The following UBE2Q2 variants were observed in gnomAD, a reference collection of about 807,000 sequenced individuals.
The protein encoded by UBE2Q2 is ubiquitin-conjugating enzyme E2 Q2.
UBE2Q2 carries 54 observed loss-of-function variants against 59.9 expected under a neutral mutation model. The ratio of observed to expected loss-of-function variants is 0.90; its 90% CI spans 0.72 to 1.13. UBE2Q2 has a LOEUF of 1.13. Ranked by LOEUF, UBE2Q2 falls within the 50% of genes most tolerant of loss-of-function variation. The pLI is 0.00. For synonymous variants in UBE2Q2, 165 were observed against 155.2 expected (o/e 1.06, Z -0.47); for missense variants, 433 against 441.9 (o/e 0.98, Z 0.18).
chr15:75,853,288 G>T (rs1343513411), intron 1 of UBE2Q2, among the ~76,000 whole-genome samples: 1 of 152,062 alleles, frequency 6.6e-6, no homozygotes, highest in African/African-American at 2.4e-5. Flanking sequence ...TGGCCAGCAT[G>T]GTGAAACCCC....
intron 4 of UBE2Q2, among the ~76,000 whole-genome samples, chr15:75,871,631 C>T (rs1027560099): frequency 2.0e-4 from 31 of 152,222 alleles, no homozygotes; most frequent in Admixed American, 3.9e-4. Context: ...CTTGCACAGC[C>T]CTTAATCCAT....
intron 2 of UBE2Q2, among the ~76,000 whole-genome samples, chr15:75,856,820 T>C (rs2141564157): frequency 6.6e-6 from 1 of 152,116 alleles, no homozygotes; most frequent in Non-Finnish European, 1.5e-5. Flanking sequence ...GGCATGTACC[T>C]GTGATCCCAG....
chr15:75,858,827 C>T (rs541469691), intron 2 of UBE2Q2, among the ~76,000 whole-genome samples: 10 of 152,166 alleles, frequency 6.6e-5, no homozygotes, highest in Non-Finnish European at 8.8e-5. Context: ...GCTTGGTTTC[C>T]GTTTAAGCAT....
intron 3 of UBE2Q2, among the ~76,000 whole-genome samples, chr15:75,864,683 G>A (rs916923865): frequency 2.1e-4 from 32 of 149,848 alleles, no homozygotes; most frequent in African/African-American, 3.4e-4. Context: ...GCTATATGCC[G>A]TTTTCACTTC....
chr15:75,883,839 T>TACACACAC (rs10524276), intron 9 of UBE2Q2, among the ~76,000 whole-genome samples: 42 of 152,000 alleles, frequency 2.8e-4, no homozygotes, highest in African/African-American at 1.0e-3. Flanking sequence ...TATTTATACA[T>TACACACAC]ACACACACAC....
At chr15:75,864,060 A>C (rs1473509594) in intron 3 of UBE2Q2, among the ~76,000 whole-genome samples, 2 of 152,212 alleles carry the variant, frequency 1.3e-5, no homozygotes, top group Admixed American at 1.3e-4. Flanking sequence ...GTATAGGGAT[A>C]TAATTTATGA....
chr15:75,876,687 A>G (rs902937476), intron 6 of UBE2Q2, among the ~76,000 whole-genome samples: 1 of 152,192 alleles, frequency 6.6e-6, no homozygotes, highest in Admixed American at 6.5e-5. Flanking sequence ...TTGTAAAGAT[A>G]GTTATGTTAT....
In UBE2Q2 at chr15:75,862,485, A is replaced by G. The variant is rs556720608; in HGVS notation, c.387+2503A>G. ...GTTGCTCATCATTTGTAGTCTTTTA[A>G]TTCCCTTTTTTGTTCATATTTGAGA... On this transcript the variant is annotated intron_variant, in intron 3 of 12. Transcript: ENST00000267938. Among the ~76,000 whole-genome samples the G allele has an allele frequency of 5.5e-4, 82 of 148,150 alleles. 3 individuals carry two copies. In the South Asian group the frequency reaches 0.017, roughly 32 times the overall value.
intron 3 of UBE2Q2, among the ~76,000 whole-genome samples, chr15:75,866,207 C>T (rs1391557966): frequency 1.3e-5 from 2 of 151,588 alleles, no homozygotes; most frequent in Non-Finnish European, 2.9e-5. Flanking sequence ...GGGTCTTGCT[C>T]TCTTGCCCAG....
At chr15:75,885,769 G>A (rs1455349147) in intron 9 of UBE2Q2, among the ~76,000 whole-genome samples, 2 of 152,190 alleles carry the variant, frequency 1.3e-5, no homozygotes, top group Admixed American at 6.5e-5. Context: ...GAAATCCCAG[G>A]TTGGGTGTGA....
chr15:75,868,567 T>A (rs1256544111), intron 3 of UBE2Q2, among the ~76,000 whole-genome samples: 1 of 152,196 alleles, frequency 6.6e-6, no homozygotes, highest in Non-Finnish European at 1.5e-5. Flanking sequence ...AGGGAGCTAT[T>A]TTAAGGAATC....
chr15:75,844,694 C>A, intron 1 of UBE2Q2: 2 of 474,102 alleles, frequency 4.2e-6, no homozygotes, highest in South Asian at 3.2e-5. Context: ...TAAGTTTCTC[C>A]ATAAAAGTGT....
intron 8 of UBE2Q2, among the ~76,000 whole-genome samples, chr15:75,880,684 A>G (rs1898358427): frequency 6.6e-6 from 1 of 152,088 alleles, no homozygotes; most frequent in Non-Finnish European, 1.5e-5. Flanking sequence ...TATTTTTAGT[A>G]GAGATGGGGT....
At position 75,890,775 on chromosome 15, in the gene UBE2Q2, A is replaced by G. The variant is rs1899054460; in HGVS notation, c.934-144A>G. The G allele has an allele frequency of 1.4e-5, 10 of 730,390 alleles. No individual in the cohort carries two copies. The South Asian group carries it at 1.4e-4, about 10-fold the overall frequency. The allele number at this position is 730,390 out of a possible 1,614,324, so 45.2% of individuals were successfully genotyped here. A position where few individuals can be genotyped will look rare whatever the true frequency, so the allele number is the denominator to read the frequency against. ...TGTTTTTTTTTGTGAGATTCTGGAA[A>G]TGTTCCAATTTTACTTTTTCCCCTT... On this transcript the variant is annotated intron_variant, in intron 10 of 12. Transcript: ENST00000267938.
chr15:75,851,691 C>T lies in UBE2Q2; in HGVS notation c.181-2695C>T, dbSNP rs375081087. ...AGTTGAAATAACATCGTCAGTTATC[C>T]TTTCAAGTAAAAATGGTATTCCATT... On this transcript the variant is annotated intron_variant, in intron 1 of 12. Coordinates refer to ENST00000267938, the MANE Select transcript of UBE2Q2 (RefSeq NM_173469.4). 3.3e-5 allele frequency among the ~76,000 whole-genome samples: 5 copies of T among 152,142 alleles called. No homozygotes were observed. The South Asian group carries it at 1.0e-3, about 31-fold the overall frequency.
At chr15:75,845,233 G>T (rs897891471) in intron 1 of UBE2Q2, among the ~76,000 whole-genome samples, 1 of 152,166 alleles carries the variant, frequency 6.6e-6, no homozygotes, top group African/African-American at 2.4e-5. Context: ...GCTTCCACAG[G>T]TGACTACAAT....
chr15:75,881,938 A>C (rs943572119), intron 8 of UBE2Q2, among the ~76,000 whole-genome samples: 4 of 152,154 alleles, frequency 2.6e-5, no homozygotes, highest in Non-Finnish European at 4.4e-5. Context: ...TTGGGAAGAG[A>C]TTGATTGTAT....
chr15:75,895,920 C>T (rs1447879595), intron 11 of UBE2Q2, among the ~76,000 whole-genome samples: 2 of 152,148 alleles, frequency 1.3e-5, no homozygotes, highest in African/African-American at 4.8e-5. Context: ...CAAGGTTGCT[C>T]TTGGCAACAT....
In UBE2Q2 at chr15:75,868,966, G is replaced by A. The variant is rs1188518731; in HGVS notation, c.403G>A (p.Glu135Lys). Residue 135 changes from glutamate (E) to lysine (K), a missense_variant, in exon 4 of 13, where the codon GAA becomes AAA. Glu to Lys is a moderately conservative substitution (Grantham distance 56, BLOSUM62 1). Transcript: ENST00000267938. ...TCTGTTTCAGAATGGGACAACAGAA[G>A]AAGTGACTTCAGAAGAAGAGGAAGA... ...LPTGQNGTTE[E>K]VTSEEEEEEE... 1 of 1,612,936 alleles carries A rather than the reference G, an allele frequency of 6.2e-7. No homozygotes were observed. The highest frequency in any genetic ancestry group is 1.1e-5 in the South Asian group (1 of 91,044).
Sources: allele counts gnomAD v4.1 joint callset (sites outside exome capture counted in the v4.1 genomes callset), GRCh38; gene constraint gnomAD v4.1.1; transcripts MANE v1.5; gene names NCBI Gene and HGNC (gene_info 2026-07-23, HGNC 2026-07-21).